The following SERPINF1 variants were observed in gnomAD, a reference collection of about 807,000 sequenced individuals.
The protein encoded by SERPINF1 is serpin family F member 1.
A neutral mutation model predicts 37.3 loss-of-function variants in SERPINF1; 29 were observed. The ratio of observed to expected loss-of-function variants is 0.78; its 90% CI spans 0.58 to 1.06. The LOEUF (loss-of-function observed/expected upper bound fraction) is 1.06, where lower values mean the gene tolerates loss of function less well. Ranked by LOEUF, SERPINF1 falls within the 50% of genes least tolerant of loss-of-function variation. SERPINF1 has a pLI of 0.00. For missense variants in SERPINF1, 553 were observed against 532.2 expected (o/e 1.04, Z -0.38); for synonymous variants, 281 against 227.9 (o/e 1.23, Z -2.10).
intron 2 of SERPINF1, 57 bp downstream of exon 2, chr17:1,767,051 A>G: frequency 6.8e-7 from 1 of 1,470,612 alleles, no homozygotes; most frequent in Non-Finnish European, 9.3e-7. Context: ...CTTGGCAGGC[A>G]GCACGGGAAA....
intron 1 of SERPINF1, among the ~76,000 whole-genome samples, chr17:1,763,594 C>A (rs771305099): frequency 5.3e-5 from 8 of 152,242 alleles, no homozygotes; most frequent in Non-Finnish European, 1.0e-4. Flanking sequence ...CAGACCCCCA[C>A]GCTTGCCCTC....
chr17:1,770,218 C>A (rs1301497483), intron 3 of SERPINF1, among the ~76,000 whole-genome samples, 168 bp downstream of exon 3: 1 of 152,208 alleles, frequency 6.6e-6, no homozygotes, highest in African/African-American at 2.4e-5. Context: ...AGGGGCTGCA[C>A]ACACACGATT....
At chr17:1,773,267 G>A (rs1273428378) in intron 5 of SERPINF1, among the ~76,000 whole-genome samples, 1 of 152,044 alleles carries the variant, frequency 6.6e-6, no homozygotes, top group Non-Finnish European at 1.5e-5. Flanking sequence ...TATTTAAGAT[G>A]GAGTCTCATT....
At chr17:1,770,404 C>A in intron 3 of SERPINF1, 1 of 397,476 alleles carries the variant, frequency 2.5e-6, no homozygotes. Context: ...TCACCGAGGA[C>A]ACAGCTGGGT....
chr17:1,776,206 T>C (rs1908020159), intron 6 of SERPINF1, among the ~76,000 whole-genome samples: 1 of 152,212 alleles, frequency 6.6e-6, no homozygotes, highest in South Asian at 2.1e-4. Context: ...CAGTAAATGT[T>C]GGCCGATGGA....
At position 1,776,706 on chromosome 17, in the gene SERPINF1, T is replaced by C; in HGVS notation, c.961T>C (p.Tyr321His). The stretch of plus-strand genomic sequence containing the variant: ...CACTGTCCCCAAGCTGAAGCTGAGT[T>C]ATGAAGGCGAAGTCACCAAGTCCCT... ...VLTVPKLKLS[Y>H]EGEVTKSLQE... Residue 321 changes from tyrosine to histidine, a missense_variant, in exon 7 of 8, where the codon TAT becomes CAT. By Grantham distance (83) the Tyr-to-His change is moderately conservative. Transcript: ENST00000254722. 1 of 1,613,118 alleles carries C rather than the reference T, an allele frequency of 6.2e-7. No homozygotes were observed. The highest frequency in any genetic ancestry group is 8.5e-7 in the Non-Finnish European group (1 of 1,179,648).
intron 4 of SERPINF1, chr17:1,771,578 G>A: frequency 4.1e-6 from 2 of 487,260 alleles, no homozygotes; most frequent in East Asian, 4.0e-5. Context: ...GGCCTGGCCT[G>A]GCACTGGTGT....
chr17:1,771,875 T>C lies in SERPINF1; in HGVS notation c.443T>C (p.Leu148Pro). 6.2e-7 allele frequency: 1 copy of C among 1,612,202 alleles called. No individual in the cohort carries two copies. Among genetic ancestry groups the C allele is most frequent in the Non-Finnish European group, 8.5e-7 (1 of 1,179,868 alleles). Residue 148 changes from leucine to proline, a missense_variant, in exon 5 of 8, where the codon CTG becomes CCG. Physicochemically the swap from Leu to Pro is moderately conservative, Grantham distance 98. Coordinates refer to ENST00000254722, the MANE Select transcript of SERPINF1 (RefSeq NM_002615.7). ...CCTCTGCTCCGCCTCTTCTCAGAGC[T>C]GCGCATAAAATCCAGCTTTGTGGCA... ...SASRIVFEKK[L>P]RIKSSFVAPL...
intron 4 of SERPINF1, 75 bp from the exon 5 acceptor site, chr17:1,771,797 A>T: frequency 6.8e-7 from 1 of 1,470,090 alleles, no homozygotes; most frequent in Non-Finnish European, 9.4e-7. Flanking sequence ...CCAGAACCCG[A>T]GCCTGGCAGG....
At chr17:1,776,912 A>ATCAGACTCATTCC (rs1373879164) in intron 7 of SERPINF1, among the ~76,000 whole-genome samples, 170 bp downstream of exon 7, 3 of 151,588 alleles carry the variant, frequency 2.0e-5, no homozygotes, top group Admixed American at 2.0e-4. Flanking sequence ...GCCTTCTCTC[A>ATCAGACTCATTCC]TCAGACTCAT....
chr17:1,769,839 T>C lies in SERPINF1; in HGVS notation c.85-13T>C. ...CCCTGAACTCAAACCCAAGACTTCC[T>C]GTCTCCTGCCAGGGCTCCCCAGACC... is the stretch of plus-strand genomic sequence containing the variant. On this transcript the variant is annotated splice_polypyrimidine_tract_variant and intron_variant, in intron 2 of 7. Coordinates refer to ENST00000254722, the MANE Select transcript of SERPINF1 (RefSeq NM_002615.7). 2 of 1,614,164 alleles carry C rather than the reference T, an allele frequency of 1.2e-6. No individual in the cohort carries two copies. The highest frequency in any genetic ancestry group is 4.5e-5 in the East Asian group (2 of 44,884).
intron 2 of SERPINF1, among the ~76,000 whole-genome samples, chr17:1,768,957 C>T (rs561116643): frequency 2.0e-4 from 31 of 151,936 alleles, no homozygotes; most frequent in Non-Finnish European, 4.0e-4. Flanking sequence ...AGGCATGCAC[C>T]ACCATGCCCC....
At chr17:1,771,349 C>T (rs1021496715) in intron 4 of SERPINF1, among the ~76,000 whole-genome samples, 165 bp downstream of exon 4, 21 of 151,268 alleles carry the variant, frequency 1.4e-4, no homozygotes, top group African/African-American at 4.4e-4. Flanking sequence ...CCCGGGTTCA[C>T]ACCATCCTCC....
At chr17:1,770,648 CG>C (rs1208069317) in intron 3 of SERPINF1, 1 of 289,132 alleles carries the variant, frequency 3.5e-6, no homozygotes, top group Non-Finnish European at 6.8e-6. Flanking sequence ...TTAGTAGAGA[CG>C]GGGTTTCACC....
chr17:1,775,837 C>G (rs1415979026), intron 6 of SERPINF1, among the ~76,000 whole-genome samples: 1 of 152,246 alleles, frequency 6.6e-6, no homozygotes, highest in Non-Finnish European at 1.5e-5. Flanking sequence ...CTTGGCCAAT[C>G]GTTGGCATTC....
chr17:1,764,019 C>G (rs1162802584), intron 1 of SERPINF1, among the ~76,000 whole-genome samples: 1 of 152,230 alleles, frequency 6.6e-6, no homozygotes. Flanking sequence ...CCCATCTCTA[C>G]TAAAACATAA....
chr17:1,774,663 T>C (rs1026130884), intron 5 of SERPINF1, among the ~76,000 whole-genome samples: 1 of 152,088 alleles, frequency 6.6e-6, no homozygotes, highest in Non-Finnish European at 1.5e-5. Flanking sequence ...CGTTTTTTCA[T>C]GTTGGCCAGG....
chr17:1,773,711 T>G (rs1907874271), intron 5 of SERPINF1, among the ~76,000 whole-genome samples: 1 of 152,202 alleles, frequency 6.6e-6, no homozygotes, highest in African/African-American at 2.4e-5. Context: ...ACAGCTCTAG[T>G]TCTGTACCCA....
chr17:1,769,546 C>A, intron 2 of SERPINF1: 1 of 461,648 alleles, frequency 2.2e-6, no homozygotes, highest in Non-Finnish European at 4.0e-6. Context: ...ATCGCTTGAA[C>A]CGGGGAGGTG....
Sources: gnomAD v4.1 joint callset for allele counts (sites outside exome capture counted in the v4.1 genomes callset) on GRCh38, gnomAD v4.1.1 for gene constraint, MANE v1.5 for transcripts, NCBI Gene and HGNC (gene_info 2026-07-23, HGNC 2026-07-21) for gene names.